Variants in COL28A1 observed in about 807,000 individuals in gnomAD.
COL28A1 encodes the protein collagen type XXVIII alpha 1 chain.
In COL28A1, 161 loss-of-function variants were observed where a neutral mutation model predicts 150.2. The ratio of observed to expected loss-of-function variants is 1.07; its 90% CI spans 0.94 to 1.22. COL28A1 has a LOEUF of 1.22. Ranked by LOEUF, COL28A1 falls within the 50% of genes most tolerant of loss-of-function variation. The probability of loss-of-function intolerance (pLI) is 0.00; values close to 1 mark genes in which losing one functional copy is unlikely to be tolerated. For synonymous variants in COL28A1, 552 were observed against 469.7 expected (o/e 1.18, Z -2.26); for missense variants, 1,617 against 1,388.3 (o/e 1.16, Z -2.62).
At chr7:7,504,513 GAGA>G (rs1583523402) in intron 11 of COL28A1, among the ~76,000 whole-genome samples, 4 of 152,126 alleles carry the variant, frequency 2.6e-5, no homozygotes, top group South Asian at 4.2e-4. Context: ...AAAAGAGAGA[GAGA>G]AGAAGAAGAA....
rs1188843889 is a variant in COL28A1 at position 7,449,524 on chromosome 7, G to C, written c.1509+2795C>G. The stretch of plus-strand genomic sequence containing the variant: ...AAACATTGTACAAGTGATCCTAGCA[G>C]TACAAAATGATAAAAAAAAAATCAA... On this transcript the variant is annotated intron_variant, in intron 18 of 34. Coordinates refer to ENST00000399429, the MANE Select transcript of COL28A1 (RefSeq NM_001037763.3). Among the ~76,000 whole-genome samples, 3 of 149,344 alleles carry C rather than the reference G, an allele frequency of 2.0e-5. No homozygotes were observed. The East Asian group carries it at 5.8e-4, about 29-fold the overall frequency.
chr7:7,386,808 G>A (rs1782212239), intron 27 of COL28A1, among the ~76,000 whole-genome samples: 1 of 152,166 alleles, frequency 6.6e-6, no homozygotes, highest in Non-Finnish European at 1.5e-5. Context: ...GTCGCAGTCT[G>A]TTTGTGCTGC....
chr7:7,487,536 C>T (rs1317418953), intron 13 of COL28A1, among the ~76,000 whole-genome samples: 1 of 152,140 alleles, frequency 6.6e-6, no homozygotes, highest in Non-Finnish European at 1.5e-5. Flanking sequence ...CGAGATCATG[C>T]CTCTGCCCTC....
chr7:7,489,406 C>G lies in COL28A1; in HGVS notation c.1147G>C (p.Gly383Arg), dbSNP rs200547651. ...RPGAPGPIGV[G>R]EPGQPGPRGP... Reference sequence around the variant, plus strand: ...CTACTTACTGGCTGTCCAGGCTCACCAACTCCAATGGGTCCTGGAGCTCCC... The same window carrying G: ...CTACTTACTGGCTGTCCAGGCTCACGAACTCCAATGGGTCCTGGAGCTCCC... The change falls in exon 13 of 35, where the codon GGT becomes CGT. Residue 383 changes from glycine to arginine, a missense_variant. Coordinates refer to ENST00000399429, the MANE Select transcript of COL28A1 (RefSeq NM_001037763.3). The G allele has an allele frequency of 2.0e-3, 2,918 of 1,433,956 alleles. 17 individuals are homozygous for G. Among genetic ancestry groups the G allele is most frequent in the Non-Finnish European group, 2.6e-3 (2,646 of 1,015,270 alleles). 88.8% of individuals were successfully genotyped at this position (1,433,956 alleles called of 1,614,324 possible).
At chr7:7,462,174 A>T (rs377755232) in intron 15 of COL28A1, among the ~76,000 whole-genome samples, 11 of 152,350 alleles carry the variant, frequency 7.2e-5, no homozygotes, top group African/African-American at 2.6e-4. Flanking sequence ...CCCTAGAAAA[A>T]GGATGAGACT....
the COL28A1 span, among the ~76,000 whole-genome samples, chr7:7,542,041 G>GA: frequency 6.6e-6 from 1 of 152,184 alleles, no homozygotes; most frequent in Admixed American, 6.5e-5. Context: ...AACTTACTTT[G>GA]AAATGCATCA....
chr7:7,346,653 A>G, the COL28A1 span, among the ~76,000 whole-genome samples: 1 of 152,068 alleles, frequency 6.6e-6, no homozygotes, highest in Non-Finnish European at 1.5e-5. Context: ...TGAATTTCCT[A>G]TAGTCATTGA....
intron 8 of COL28A1, among the ~76,000 whole-genome samples, chr7:7,512,930 T>C (rs1218746026): frequency 6.6e-6 from 1 of 152,206 alleles, no homozygotes; most frequent in Non-Finnish European, 1.5e-5. Flanking sequence ...GAAATTACAT[T>C]CAAATGTAAA....
intron 18 of COL28A1, among the ~76,000 whole-genome samples, chr7:7,448,069 A>G (rs1786404684): frequency 6.6e-6 from 1 of 152,202 alleles, no homozygotes; most frequent in Admixed American, 6.5e-5. Context: ...ATCTCAAAAC[A>G]AAAATAAAAT....
intron 4 of COL28A1, among the ~76,000 whole-genome samples, chr7:7,522,979 G>C (rs1781818967): frequency 6.6e-6 from 1 of 152,028 alleles, no homozygotes; most frequent in South Asian, 2.1e-4. Flanking sequence ...AGAAGTTTTA[G>C]AAATAACCAA....
intron 13 of COL28A1, among the ~76,000 whole-genome samples, chr7:7,486,644 G>A (rs1454811462): frequency 2.6e-5 from 4 of 152,070 alleles, no homozygotes; most frequent in East Asian, 3.9e-4. Flanking sequence ...ATTTATCAGC[G>A]TTTATTAGGG....
upstream of COL28A1, among the ~76,000 whole-genome samples, chr7:7,540,499 G>A (rs1186380452): frequency 6.6e-6 from 1 of 152,118 alleles, no homozygotes; most frequent in Non-Finnish European, 1.5e-5. Flanking sequence ...TAAAATAGAG[G>A]ACAGATATTA....
intron 33 of COL28A1, among the ~76,000 whole-genome samples, chr7:7,365,068 C>A (rs1156644373): frequency 6.6e-6 from 1 of 151,988 alleles, no homozygotes; most frequent in South Asian, 2.1e-4. Flanking sequence ...TGGATTTAAC[C>A]AACACAAACG....
At chr7:7,440,159 CTG>C (rs1169124425) in intron 21 of COL28A1, among the ~76,000 whole-genome samples, 1 of 152,156 alleles carries the variant, frequency 6.6e-6, no homozygotes, top group African/African-American at 2.4e-5. Context: ...TTCCTCAGCA[CTG>C]TGTTATCAAC....
chr7:7,475,532 T>C (rs1227509033), intron 14 of COL28A1, among the ~76,000 whole-genome samples: 1 of 152,236 alleles, frequency 6.6e-6, no homozygotes, highest in Non-Finnish European at 1.5e-5. Context: ...CATGAGCTAT[T>C]ACATACAAGA....
At chr7:7,496,277 C>T (rs1780204639) in intron 11 of COL28A1, among the ~76,000 whole-genome samples, 1 of 152,172 alleles carries the variant, frequency 6.6e-6, no homozygotes. Flanking sequence ...TTTGCATTCT[C>T]AGTGTTTAGC....
At chr7:7,427,646 C>A (rs748465806) in intron 25 of COL28A1, among the ~76,000 whole-genome samples, 3 of 152,160 alleles carry the variant, frequency 2.0e-5, no homozygotes, top group Non-Finnish European at 4.4e-5. Context: ...CAGTGGAATT[C>A]CACATAGACT....
At chr7:7,361,647 A>T (rs1226852411) in intron 33 of COL28A1, among the ~76,000 whole-genome samples, 1 of 152,214 alleles carries the variant, frequency 6.6e-6, no homozygotes, top group Non-Finnish European at 1.5e-5. Context: ...TCTTTTGAGA[A>T]GTATCTGTTC....
At chr7:7,505,142 A>T (rs1389108322) in intron 11 of COL28A1, among the ~76,000 whole-genome samples, 1 of 152,196 alleles carries the variant, frequency 6.6e-6, no homozygotes, top group Non-Finnish European at 1.5e-5. Context: ...TCATTATCTC[A>T]TTAAAAATAT....
Sources: allele counts gnomAD v4.1 joint callset (sites outside exome capture counted in the v4.1 genomes callset), GRCh38; gene constraint gnomAD v4.1.1; transcripts MANE v1.5; gene names NCBI Gene and HGNC (gene_info 2026-07-23, HGNC 2026-07-21).